Variants in RABGAP1 observed in about 807,000 individuals in gnomAD.
The protein encoded by RABGAP1 is rab GTPase-activating protein 1.
Under a neutral mutation model 137.6 loss-of-function variants are expected in RABGAP1, and 23 were observed. That is an observed-to-expected ratio of 0.17 (90% CI 0.12 to 0.24). RABGAP1 has a LOEUF of 0.24. Among genes scored for constraint, RABGAP1 ranks in the 10% least tolerant of loss-of-function variants. The pLI is 1.00. For missense variants in RABGAP1, 906 were observed against 1,275.8 expected (o/e 0.71, Z 4.42); for synonymous variants, 451 against 450.7 (o/e 1.00, Z -0.01).
rs372038255 is a variant in RABGAP1 at position 123,059,136 on chromosome 9, G to T, written c.1795-6212G>T. Among the ~76,000 whole-genome samples the T allele has an allele frequency of 1.2e-4, 19 of 152,306 alleles. No homozygotes were observed. In the East Asian group the frequency reaches 1.9e-3, roughly 15 times the overall value. On this transcript the variant is annotated intron_variant, in intron 13 of 25. Coordinates refer to ENST00000373647, the MANE Select transcript of RABGAP1 (RefSeq NM_012197.4). ...CATAAAAGTTTATGACCAGCAAAATGATCTGATTGGTCCATGCATTTCAGA... is the reference window on the plus strand; with the variant it reads ...CATAAAAGTTTATGACCAGCAAAATTATCTGATTGGTCCATGCATTTCAGA...
intron 10 of RABGAP1, among the ~76,000 whole-genome samples, chr9:123,008,985 AG>A (rs1460118878): frequency 6.6e-6 from 1 of 152,256 alleles, no homozygotes; most frequent in Non-Finnish European, 1.5e-5. Context: ...CTTAATTAAT[AG>A]TAAGTAGCTA....
chr9:123,099,134 C>T (rs1046682563), intron 23 of RABGAP1, among the ~76,000 whole-genome samples: 3 of 152,154 alleles, frequency 2.0e-5, no homozygotes, highest in South Asian at 2.1e-4. Context: ...AGTTTTAAAC[C>T]GGTTATTTCC....
chr9:123,071,600 C>T (rs1310313494), intron 15 of RABGAP1: 3 of 152,174 alleles, frequency 2.0e-5, no homozygotes, highest in African/African-American at 4.8e-5. Context: ...TTATTACTTT[C>T]AGTGGTGCTA....
intron 13 of RABGAP1, among the ~76,000 whole-genome samples, chr9:123,058,506 A>G (rs1460956780): frequency 6.6e-6 from 1 of 151,624 alleles, no homozygotes; most frequent in Admixed American, 6.6e-5. Context: ...AAATAAGAAA[A>G]CAAAAAGGTT....
intron 1 of RABGAP1, among the ~76,000 whole-genome samples, chr9:122,950,380 T>TTTC (rs1554782683): frequency 1.7e-4 from 24 of 138,076 alleles, no homozygotes; most frequent in African/African-American, 6.5e-4. Context: ...TTTCTTTCTT[T>TTTC]TTTTTTTTTT....
chr9:123,100,382 G>GGTGTGT (rs1431572035), intron 24 of RABGAP1, among the ~76,000 whole-genome samples: 22 of 130,364 alleles, frequency 1.7e-4, no homozygotes, highest in South Asian at 5.2e-4. Context: ...TGTTTAACCA[G>GGTGTGT]ATGTGTGTGT....
intron 2 of RABGAP1, 25 bp from the exon 3 acceptor site, chr9:122,984,460 G>A (rs1002759926): frequency 4.4e-6 from 7 of 1,592,008 alleles, no homozygotes; most frequent in Admixed American, 1.7e-5. Flanking sequence ...TCACTTTGCT[G>A]ATTGCATGTA....
intron 13 of RABGAP1, among the ~76,000 whole-genome samples, chr9:123,024,335 A>T (rs2031827472): frequency 1.3e-5 from 2 of 152,226 alleles, no homozygotes; most frequent in African/African-American, 4.8e-5. Flanking sequence ...ATGTAGTTGC[A>T]TATAGTTGTA....
intron 13 of RABGAP1, among the ~76,000 whole-genome samples, chr9:123,044,109 T>C (rs1385851596): frequency 6.6e-6 from 1 of 152,036 alleles, no homozygotes; most frequent in Non-Finnish European, 1.5e-5. Context: ...TTCACCATGT[T>C]ATCCAGGATG....
At position 123,040,036 on chromosome 9, in the gene RABGAP1, T is replaced by C. The variant is rs558954730; in HGVS notation, c.1794+19577T>C. ...AGTTTAAGCAATCAAGAAGCACTTA[T>C]CTAGTAAGTTCTGCTGTGTGCCAGG... is the stretch of plus-strand genomic sequence containing the variant. On this transcript the variant is annotated intron_variant, in intron 13 of 25. Coordinates refer to ENST00000373647, the MANE Select transcript of RABGAP1 (RefSeq NM_012197.4). Among the ~76,000 whole-genome samples the C allele has an allele frequency of 9.2e-5, 14 of 152,318 alleles. No individual in the cohort carries two copies. The South Asian group carries it at 2.3e-3, about 25-fold the overall frequency.
intron 14 of RABGAP1, among the ~76,000 whole-genome samples, chr9:123,066,909 C>A (rs1050029859): frequency 6.6e-6 from 1 of 152,130 alleles, no homozygotes; most frequent in African/African-American, 2.4e-5. Flanking sequence ...TAGTTAATAT[C>A]CCCCACACTA....
chr9:122,952,680 G>A (rs955479487), intron 1 of RABGAP1, among the ~76,000 whole-genome samples: 1 of 152,104 alleles, frequency 6.6e-6, no homozygotes, highest in African/African-American at 2.4e-5. Flanking sequence ...AGGCTGCAGT[G>A]AGCTAGGATC....
intron 10 of RABGAP1, among the ~76,000 whole-genome samples, chr9:123,000,697 A>G (rs1388748351): frequency 6.6e-6 from 1 of 151,872 alleles, no homozygotes; most frequent in African/African-American, 2.4e-5. Context: ...TTTTTAAAAT[A>G]TAGATGGGGA....
chr9:123,001,473 C>G (rs536768068), intron 10 of RABGAP1, among the ~76,000 whole-genome samples: 1 of 152,026 alleles, frequency 6.6e-6, no homozygotes, highest in Admixed American at 6.6e-5. Flanking sequence ...CAAGTTAGCC[C>G]TATTGGGTAT....
chr9:123,055,389 G>A lies in RABGAP1; in HGVS notation c.1795-9959G>A, dbSNP rs76485199. 8.4e-3 allele frequency among the ~76,000 whole-genome samples: 1,274 copies of A among 151,824 alleles called. 20 individuals carry two copies. The highest frequency in any genetic ancestry group is 0.029 in the African/African-American group (1,210 of 41,382). ...GTTTTTTGTTTGCTTGTTTTGTTGA[G>A]GTTTTATTTATTTATTTATTTTTGT... On this transcript the variant is annotated intron_variant, in intron 13 of 25. Coordinates refer to ENST00000373647, the MANE Select transcript of RABGAP1 (RefSeq NM_012197.4).
At chr9:123,028,977 A>T (rs1166712672) in intron 13 of RABGAP1, among the ~76,000 whole-genome samples, 2 of 152,188 alleles carry the variant, frequency 1.3e-5, no homozygotes, top group Non-Finnish European at 2.9e-5. Context: ...TTTGCTTATT[A>T]TCTGTATTAT....
chr9:123,098,302 C>T (rs1030339284), intron 22 of RABGAP1, among the ~76,000 whole-genome samples: 42 of 152,196 alleles, frequency 2.8e-4, no homozygotes, highest in Non-Finnish European at 5.6e-4. Context: ...CCTCCCCTGT[C>T]ACACCACGGT....
intron 19 of RABGAP1, chr9:123,077,142 A>T (rs1008172359): frequency 2.0e-5 from 3 of 148,874 alleles, no homozygotes; most frequent in African/African-American, 7.5e-5. Context: ...GATTTCTTCT[A>T]CTGTGCTGGT....
At chr9:122,971,847 C>T (rs1402632835) in intron 2 of RABGAP1, 1 of 152,034 alleles carries the variant, frequency 6.6e-6, no homozygotes, top group East Asian at 1.9e-4. Flanking sequence ...CTTAAGTGTT[C>T]TATAATAAGA....
Sources: gnomAD v4.1 joint callset for allele counts (sites outside exome capture counted in the v4.1 genomes callset) on GRCh38, gnomAD v4.1.1 for gene constraint, MANE v1.5 for transcripts, NCBI Gene and HGNC (gene_info 2026-07-23, HGNC 2026-07-21) for gene names.